Variants in GYPC observed in about 807,000 individuals in gnomAD.
GYPC encodes the protein glycophorin C (Gerbich blood group).
A neutral mutation model predicts 12.6 loss-of-function variants in GYPC; 14 were observed. The ratio of observed to expected loss-of-function variants is 1.11; its 90% CI spans 0.74 to 1.74. The LOEUF (loss-of-function observed/expected upper bound fraction) is 1.74, where lower values mean the gene tolerates loss of function less well. Among genes scored for constraint, GYPC ranks in the 40% most tolerant of loss-of-function variants. The probability of loss-of-function intolerance (pLI) is 0.00; values close to 1 mark genes in which losing one functional copy is unlikely to be tolerated. For synonymous variants in GYPC, 78 were observed against 62.1 expected (o/e 1.26, Z -1.20); for missense variants, 225 against 172.1 (o/e 1.31, Z -1.72).
intron 1 of GYPC, among the ~76,000 whole-genome samples, chr2:126,662,370 G>A (rs1285026267): frequency 1.9e-4 from 29 of 152,188 alleles, no homozygotes; most frequent in Admixed American, 1.9e-3. Context: ...AGCAATGCTT[G>A]AAGCTTCAAG....
chr2:126,685,117 A>G (rs1210034112), intron 1 of GYPC, among the ~76,000 whole-genome samples: 14 of 152,238 alleles, frequency 9.2e-5, no homozygotes, highest in Admixed American at 9.2e-4. Context: ...ATAGCCAGCC[A>G]TCAAGGGCAA....
intron 1 of GYPC, among the ~76,000 whole-genome samples, chr2:126,683,301 C>G (rs1284272832): frequency 6.6e-6 from 1 of 151,264 alleles, no homozygotes; most frequent in Non-Finnish European, 1.5e-5. Context: ...GCCTGGGCAA[C>G]AGAGCGAGAC....
intron 3 of GYPC, among the ~76,000 whole-genome samples, chr2:126,694,165 C>T (rs1219945814): frequency 2.0e-5 from 3 of 152,048 alleles, no homozygotes; most frequent in Middle Eastern, 6.3e-3. Flanking sequence ...ATTTATTGGC[C>T]TTTCTCAGGG....
intron 2 of GYPC, among the ~76,000 whole-genome samples, chr2:126,691,525 G>T (rs1455099432): frequency 6.6e-6 from 1 of 152,144 alleles, no homozygotes; most frequent in Non-Finnish European, 1.5e-5. Context: ...AGCAGGGTAG[G>T]CTGAGGAGCA....
At chr2:126,681,398 C>A (rs1312862618) in intron 1 of GYPC, among the ~76,000 whole-genome samples, 3 of 151,996 alleles carry the variant, frequency 2.0e-5, no homozygotes, top group Non-Finnish European at 4.4e-5. Flanking sequence ...TTAGATTGCT[C>A]TCTCTCTTCA....
intron 1 of GYPC, among the ~76,000 whole-genome samples, chr2:126,689,377 G>C (rs1430065711): frequency 6.6e-6 from 1 of 152,186 alleles, no homozygotes; most frequent in African/African-American, 2.4e-5. Context: ...GGATGGATGT[G>C]AAGACTGCAT....
chr2:126,685,994 G>T, intron 1 of GYPC: 1 of 985,336 alleles, frequency 1.0e-6, no homozygotes, highest in Non-Finnish European at 1.2e-6. Context: ...TTCCTTCTTT[G>T]CTGGGACAGA....
intron 1 of GYPC, among the ~76,000 whole-genome samples, chr2:126,689,976 A>G (rs1683406442): frequency 6.6e-6 from 1 of 152,064 alleles, no homozygotes; most frequent in South Asian, 2.1e-4. Flanking sequence ...TGCAGGCACC[A>G]CTCTCAGTGG....
intron 1 of GYPC, among the ~76,000 whole-genome samples, chr2:126,663,950 G>GTCTCTCTCTCTCTCTCTCTC (rs61649506): frequency 7.7e-6 from 1 of 129,854 alleles, no homozygotes; most frequent in African/African-American, 3.1e-5. Context: ...TAAGGTTCTG[G>GTCTCTCTCTCTCTCTCTCTC]TCTCTCTCTC....
In GYPC at chr2:126,696,483, G is replaced by A; in HGVS notation, c.*341G>A. 2.7e-6 allele frequency: 1 copy of A among 370,180 alleles called. No individual in the cohort carries two copies. The allele number at this position is 370,180 out of a possible 1,614,324, so 22.9% of individuals were successfully genotyped here. A position where few individuals can be genotyped will look rare whatever the true frequency, so the allele number is the denominator to read the frequency against. On this transcript the variant is annotated 3_prime_UTR_variant, in exon 4 of 4. Coordinates refer to ENST00000259254, the MANE Select transcript of GYPC (RefSeq NM_002101.5). ...GAAAGTCCTTGTTGAGGGTGAGGGG[G>A]TGCTGGGGTACCCGGGGGCTGGGGA...
intron 1 of GYPC, among the ~76,000 whole-genome samples, chr2:126,663,343 T>C (rs1404979095): frequency 6.6e-6 from 1 of 152,198 alleles, no homozygotes; most frequent in Non-Finnish European, 1.5e-5. Context: ...GCCTCCTTCA[T>C]GTTTTTATCC....
intron 1 of GYPC, among the ~76,000 whole-genome samples, chr2:126,665,536 G>A (rs894591957): frequency 2.0e-5 from 3 of 152,220 alleles, no homozygotes; most frequent in African/African-American, 7.2e-5. Context: ...CTCGAAGGGA[G>A]ATTAGGGCAC....
chr2:126,676,457 C>A (rs1437510335), intron 1 of GYPC, among the ~76,000 whole-genome samples: 1 of 152,188 alleles, frequency 6.6e-6, no homozygotes, highest in Non-Finnish European at 1.5e-5. Context: ...TGAAGTGAAA[C>A]AAAGTCTAAG....
intron 1 of GYPC, among the ~76,000 whole-genome samples, chr2:126,669,378 C>G (rs1682777529): frequency 6.6e-6 from 1 of 152,152 alleles, no homozygotes; most frequent in African/African-American, 2.4e-5. Context: ...GGCTGTGATT[C>G]AAGCCCAGGG....
intron 1 of GYPC, among the ~76,000 whole-genome samples, chr2:126,664,283 T>G (rs1028980318): frequency 1.7e-4 from 26 of 152,104 alleles, no homozygotes; most frequent in African/African-American, 6.3e-4. Context: ...TAGCCCTGTC[T>G]CAGAGAGTAG....
chr2:126,681,728 A>G (rs1307822457), intron 1 of GYPC, among the ~76,000 whole-genome samples: 4 of 151,572 alleles, frequency 2.6e-5, no homozygotes, highest in Non-Finnish European at 4.4e-5. Context: ...GCAGTGAGCC[A>G]AGATTGCGCC....
At chr2:126,688,608 C>G (rs547003325) in intron 1 of GYPC, among the ~76,000 whole-genome samples, 1 of 152,138 alleles carries the variant, frequency 6.6e-6, no homozygotes, top group South Asian at 2.1e-4. Context: ...GTGCTGACTC[C>G]AGACCCAGAG....
intron 1 of GYPC, among the ~76,000 whole-genome samples, chr2:126,659,939 G>A (rs752876063): frequency 1.3e-5 from 2 of 151,974 alleles, no homozygotes; most frequent in Non-Finnish European, 2.9e-5. Flanking sequence ...ACCGGCATAC[G>A]CCACCACACC....
At chr2:126,663,610 G>C (rs1682599572) in intron 1 of GYPC, among the ~76,000 whole-genome samples, 1 of 152,208 alleles carries the variant, frequency 6.6e-6, no homozygotes, top group African/African-American at 2.4e-5. Context: ...AGGAATGAGT[G>C]AATGAGTCAG....
Sources: allele counts gnomAD v4.1 joint callset (sites outside exome capture counted in the v4.1 genomes callset), GRCh38; gene constraint gnomAD v4.1.1; transcripts MANE v1.5; gene names NCBI Gene and HGNC (gene_info 2026-07-23, HGNC 2026-07-21).